WDR49: variants seen among roughly 807,000 people sequenced by gnomAD.
WDR49 encodes the protein WD repeat domain 49.
A neutral mutation model predicts 119.5 loss-of-function variants in WDR49; 107 were observed. The observed-to-expected ratio is 0.90, with a 90% confidence interval of 0.77 to 1.05. WDR49 has a LOEUF of 1.05. Among genes scored for constraint, WDR49 ranks in the 50% least tolerant of loss-of-function variants. The pLI, the probability that WDR49 is intolerant of heterozygous loss-of-function variation, is 0.00. For synonymous variants in WDR49, 425 were observed against 418.8 expected (o/e 1.01, Z -0.18); for missense variants, 1,240 against 1,220.5 (o/e 1.02, Z -0.24).
In WDR49 at chr3:167,527,888, A is replaced by C; in HGVS notation, c.2536T>G (p.Ser846Ala). 1.9e-6 allele frequency: 3 copies of C among 1,613,282 alleles called. No homozygotes were observed. The highest frequency in any genetic ancestry group is 2.5e-6 in the Non-Finnish European group (3 of 1,179,532). The change falls in exon 15 of 19, where the codon TCC becomes GCC. Residue 846 changes from serine to alanine, a missense_variant. Ser to Ala is a moderately conservative substitution (Grantham distance 99, BLOSUM62 1). Transcript: ENST00000682715. ...CAAATACTGCAGTCTGCAGAGGAGG[A>C]GATAATCAGTAACTGACCACCTGGC... The part of the protein sequence containing the change: ...CEPGGQLLII[S>A]SSADCSICVT...
chr3:167,549,032 T>A (rs938523677), intron 10 of WDR49, among the ~76,000 whole-genome samples: 1 of 152,326 alleles, frequency 6.6e-6, no homozygotes, highest in African/African-American at 2.4e-5. Context: ...TCATCCTTTT[T>A]TATGGCTGCA....
At chr3:167,504,688 G>A (rs111855449) in intron 17 of WDR49, among the ~76,000 whole-genome samples, 152 of 152,270 alleles carry the variant, frequency 1.0e-3, no homozygotes, top group Admixed American at 3.0e-3. Context: ...AAGGACATGA[G>A]ATTTGGAGGT....
chr3:167,638,992 C>T (rs115405657), intron 2 of WDR49, among the ~76,000 whole-genome samples: 1,878 of 151,614 alleles, frequency 0.012, 33 homozygotes, highest in African/African-American at 0.043. Flanking sequence ...TGATCATCAC[C>T]CCTGAGAAAT....
intron 5 of WDR49, among the ~76,000 whole-genome samples, chr3:167,613,493 G>A (rs981582458): frequency 6.6e-6 from 1 of 152,150 alleles, no homozygotes; most frequent in African/African-American, 2.4e-5. Context: ...TAGCTAACTC[G>A]ACAGTGTCTG....
At chr3:167,481,958 T>A (rs1750731788) in intron 18 of WDR49, among the ~76,000 whole-genome samples, 2 of 152,078 alleles carry the variant, frequency 1.3e-5, no homozygotes, top group Admixed American at 1.3e-4. Context: ...AAAACCAAAG[T>A]ATAACAAATA....
Position 167,549,326 on chromosome 3 carries a change from C to T in WDR49, c.1823+5324G>A, listed in dbSNP as rs1302325457. Among the ~76,000 whole-genome samples the T allele has an allele frequency of 3.3e-5, 5 of 152,146 alleles. No individual in the cohort carries two copies. The East Asian group carries it at 7.7e-4, about 23-fold the overall frequency. The stretch of plus-strand genomic sequence containing the variant: ...TCCCACCAACAGTGTAAAAGTGTTC[C>T]TATTTCTCCACATCCTCTCCAGCAC... On this transcript the variant is annotated intron_variant, in intron 10 of 18. Coordinates refer to ENST00000682715, the MANE Select transcript of WDR49 (RefSeq NM_001366157.1).
intron 16 of WDR49, among the ~76,000 whole-genome samples, chr3:167,506,921 G>A (rs1751792296): frequency 6.6e-6 from 1 of 152,088 alleles, no homozygotes; most frequent in Non-Finnish European, 1.5e-5. Flanking sequence ...TGGTGAGACT[G>A]GGGTTATGAG....
At chr3:167,490,136 C>A (rs1238552878) in intron 18 of WDR49, among the ~76,000 whole-genome samples, 1 of 152,036 alleles carries the variant, frequency 6.6e-6, no homozygotes, top group Non-Finnish European at 1.5e-5. Context: ...AACAAACAGG[C>A]AACAAAGCAA....
upstream of WDR49, among the ~76,000 whole-genome samples, chr3:167,655,429 G>C (rs1718569201): frequency 4.6e-5 from 7 of 152,076 alleles, no homozygotes; most frequent in Admixed American, 4.6e-4. Context: ...ATCTTCTCTA[G>C]GGTCTCTTCC....
intron 11 of WDR49, among the ~76,000 whole-genome samples, chr3:167,536,287 G>A (rs964801422): frequency 1.3e-5 from 2 of 152,062 alleles, no homozygotes; most frequent in African/African-American, 2.4e-5. Context: ...TAATTACCAT[G>A]ATCTGATCAT....
chr3:167,651,794 G>C (rs1204076098), intron 2 of WDR49, among the ~76,000 whole-genome samples: 1 of 152,052 alleles, frequency 6.6e-6, no homozygotes, highest in East Asian at 1.9e-4. Context: ...ACTTGAGGTT[G>C]AATTTTCCAG....
intron 7 of WDR49, among the ~76,000 whole-genome samples, chr3:167,590,635 C>T (rs114303028): frequency 0.012 from 1,878 of 151,880 alleles, 33 homozygotes; most frequent in African/African-American, 0.043. Context: ...CTTGGTAGTT[C>T]GTATATGTCT....
At chr3:167,486,508 C>T (rs368655847) in intron 18 of WDR49, among the ~76,000 whole-genome samples, 3 of 152,154 alleles carry the variant, frequency 2.0e-5, no homozygotes, top group East Asian at 3.9e-4. Context: ...TTCAAGAGAC[C>T]CATCTCACAT....
chr3:167,533,501 C>T (rs1454962847), intron 11 of WDR49, among the ~76,000 whole-genome samples: 1 of 151,914 alleles, frequency 6.6e-6, no homozygotes, highest in Non-Finnish European at 1.5e-5. Context: ...AAATCAAGTC[C>T]TCCTATGTTT....
intron 2 of WDR49, among the ~76,000 whole-genome samples, chr3:167,632,419 G>C (rs1393236674): frequency 6.6e-6 from 1 of 151,928 alleles, no homozygotes; most frequent in Admixed American, 6.6e-5. Context: ...AATATGCCTA[G>C]GTTATGAAAT....
At chr3:167,655,248 C>A (rs550219783), upstream of WDR49, among the ~76,000 whole-genome samples, 3 of 152,080 alleles carry the variant, frequency 2.0e-5, no homozygotes, top group South Asian at 4.1e-4. Flanking sequence ...ATGGGGAAAC[C>A]GCCCCCTTGA....
chr3:167,551,663 T>A (rs940524375), intron 10 of WDR49, among the ~76,000 whole-genome samples: 1 of 152,038 alleles, frequency 6.6e-6, no homozygotes, highest in Non-Finnish European at 1.5e-5. Flanking sequence ...AGGTTGCTAA[T>A]ACTTAGATTT....
intron 2 of WDR49, among the ~76,000 whole-genome samples, chr3:167,643,682 T>C (rs1425710659): frequency 6.6e-6 from 1 of 152,066 alleles, no homozygotes; most frequent in Non-Finnish European, 1.5e-5. Context: ...TTACTTAAAA[T>C]ATAGCCCTCC....
At chr3:167,520,201 C>T (rs371187765) in intron 16 of WDR49, among the ~76,000 whole-genome samples, 76 of 150,758 alleles carry the variant, frequency 5.0e-4, no homozygotes, top group Admixed American at 1.8e-3. Flanking sequence ...GAGCTGTGGT[C>T]GCACCACTGC....
Sources: gnomAD v4.1 joint callset for allele counts (sites outside exome capture counted in the v4.1 genomes callset) on GRCh38, gnomAD v4.1.1 for gene constraint, MANE v1.5 for transcripts, NCBI Gene and HGNC (gene_info 2026-07-23, HGNC 2026-07-21) for gene names.